AGBL4: variants seen among roughly 807,000 people sequenced by gnomAD.
AGBL4 encodes the protein AGBL carboxypeptidase 4, also known as cytosolic carboxypeptidase 6.
A neutral mutation model predicts 66.4 loss-of-function variants in AGBL4; 58 were observed. The observed-to-expected ratio is 0.87, with a 90% CI of 0.71 to 1.09. AGBL4 has a LOEUF of 1.09. AGBL4 is among the 50% of genes least tolerant of loss of function. AGBL4 has a pLI of 0.00. For synonymous variants in AGBL4, 234 were observed against 222.9 expected (o/e 1.05, Z -0.44); for missense variants, 579 against 631.0 (o/e 0.92, Z 0.88).
At chr1:48,734,924 C>T (rs539446246) in intron 6 of AGBL4, among the ~76,000 whole-genome samples, 2 of 152,304 alleles carry the variant, frequency 1.3e-5, no homozygotes, top group South Asian at 4.1e-4. Context: ...GACCTGGACA[C>T]TAGTCAGTGG....
intron 3 of AGBL4, among the ~76,000 whole-genome samples, chr1:49,488,939 T>C (rs886809947): frequency 2.4e-4 from 36 of 152,150 alleles, no homozygotes; most frequent in Admixed American, 2.2e-3. Context: ...CATCTGTTGA[T>C]GGATGCATAT....
intron 1 of AGBL4, among the ~76,000 whole-genome samples, chr1:49,989,750 T>C (rs893384210): frequency 5.9e-5 from 9 of 152,184 alleles, no homozygotes; most frequent in South Asian, 4.1e-4. Flanking sequence ...TGTTTAAATA[T>C]GAAATGGCAT....
At chr1:49,443,225 C>T (rs573060052) in intron 3 of AGBL4, among the ~76,000 whole-genome samples, 2 of 152,196 alleles carry the variant, frequency 1.3e-5, no homozygotes, top group African/African-American at 4.8e-5. Flanking sequence ...AGCAAGTTGT[C>T]TCTTCAATCT....
intron 5 of AGBL4, among the ~76,000 whole-genome samples, chr1:49,023,058 T>G (rs1014207832): frequency 6.6e-6 from 1 of 152,170 alleles, no homozygotes; most frequent in Non-Finnish European, 1.5e-5. Context: ...GTAAAAGGGT[T>G]ACAACATTGA....
chr1:48,834,954 C>G (rs144932221), intron 6 of AGBL4, among the ~76,000 whole-genome samples: 6 of 152,068 alleles, frequency 3.9e-5, no homozygotes, highest in African/African-American at 1.4e-4. Context: ...TCTTTACCAG[C>G]CTTGTGATTT....
chr1:48,849,896 C>T (rs1214107396), intron 6 of AGBL4, among the ~76,000 whole-genome samples: 1 of 152,154 alleles, frequency 6.6e-6, no homozygotes, highest in Non-Finnish European at 1.5e-5. Flanking sequence ...TCGCTGGAAC[C>T]GGGGAGGCAG....
At chr1:49,587,051 C>T (rs1302432070) in intron 3 of AGBL4, among the ~76,000 whole-genome samples, 2 of 151,982 alleles carry the variant, frequency 1.3e-5, no homozygotes, top group East Asian at 3.9e-4. Context: ...CAAGACCAGC[C>T]TGGCCAAAAT....
At chr1:49,294,949 A>G (rs1557814950) in intron 3 of AGBL4, among the ~76,000 whole-genome samples, 1 of 152,174 alleles carries the variant, frequency 6.6e-6, no homozygotes, top group Non-Finnish European at 1.5e-5. Flanking sequence ...TAAGGATAAG[A>G]CTTTATTTTT....
At chr1:48,776,939 G>A in intron 6 of AGBL4, 3 of 567,070 alleles carry the variant, frequency 5.3e-6, no homozygotes, top group South Asian at 3.2e-5. Flanking sequence ...TGGGGGGGGC[G>A]GGGGCGGCTC....
chr1:49,912,415 G>A (rs556075896), intron 1 of AGBL4, among the ~76,000 whole-genome samples: 1 of 152,292 alleles, frequency 6.6e-6, no homozygotes, highest in South Asian at 2.1e-4. Context: ...GCAGTAATAA[G>A]AAACAGTAAT....
At chr1:48,866,982 C>A (rs896360982) in intron 6 of AGBL4, among the ~76,000 whole-genome samples, 1 of 152,118 alleles carries the variant, frequency 6.6e-6, no homozygotes, top group Non-Finnish European at 1.5e-5. Context: ...CACCCATAGT[C>A]AAGAGGAGGC....
chr1:48,893,487 A>G (rs1651175096), intron 5 of AGBL4, among the ~76,000 whole-genome samples: 1 of 151,784 alleles, frequency 6.6e-6, no homozygotes, highest in East Asian at 2.0e-4. Context: ...TGAGACCATC[A>G]TGGCTAACAC....
intron 1 of AGBL4, among the ~76,000 whole-genome samples, chr1:49,916,563 T>G (rs1651525319): frequency 6.6e-6 from 1 of 152,184 alleles, no homozygotes; most frequent in Admixed American, 6.5e-5. Context: ...GAACAAAGCC[T>G]CCAAGAAATA....
chr1:48,632,060 T>C (rs80182046), intron 9 of AGBL4, among the ~76,000 whole-genome samples: 4,142 of 152,252 alleles, frequency 0.027, 196 homozygotes, highest in African/African-American at 0.092. Flanking sequence ...AAAGCCCATA[T>C]ATAAATAAAT....
intron 8 of AGBL4, among the ~76,000 whole-genome samples, chr1:48,647,013 C>G (rs1183277333): frequency 1.3e-5 from 2 of 152,188 alleles, no homozygotes; most frequent in African/African-American, 4.8e-5. Context: ...TGATTTCCTT[C>G]TGCTTCCCCA....
intron 5 of AGBL4, among the ~76,000 whole-genome samples, chr1:48,913,291 T>C (rs1002614951): frequency 2.0e-5 from 3 of 152,132 alleles, no homozygotes; most frequent in Non-Finnish European, 4.4e-5. Flanking sequence ...AAGTGAGTGA[T>C]TGAGTCCTGT....
At chr1:49,510,382 T>C (rs1260019343) in intron 3 of AGBL4, among the ~76,000 whole-genome samples, 4 of 151,606 alleles carry the variant, frequency 2.6e-5, no homozygotes, top group Non-Finnish European at 5.9e-5. Context: ...AAATGTCTTC[T>C]TTTGAGAAGT....
chr1:49,508,753 C>G (rs1224406766), intron 3 of AGBL4, among the ~76,000 whole-genome samples: 2 of 151,874 alleles, frequency 1.3e-5, no homozygotes, highest in African/African-American at 4.8e-5. Flanking sequence ...GACCATCTCA[C>G]ATGATTATTG....
intron 3 of AGBL4, among the ~76,000 whole-genome samples, chr1:49,469,641 T>C (rs567375539): frequency 8.5e-5 from 13 of 152,054 alleles, no homozygotes; most frequent in African/African-American, 2.9e-4. Context: ...AAATAGTTGA[T>C]GATTCTTGCT....
Sources: allele counts gnomAD v4.1 joint callset (sites outside exome capture counted in the v4.1 genomes callset), GRCh38; gene constraint gnomAD v4.1.1; transcripts MANE v1.5; gene names NCBI Gene and HGNC (gene_info 2026-07-23, HGNC 2026-07-21).